GFRA1: variants seen among roughly 807,000 people sequenced by gnomAD.
GFRA1 encodes GDNF family receptor alpha-1.
In GFRA1, 16 loss-of-function variants were observed where a neutral mutation model predicts 51.6. The ratio of observed to expected loss-of-function variants is 0.31; its 90% confidence interval spans 0.21 to 0.47. The LOEUF (loss-of-function observed/expected upper bound fraction) is 0.47. Among genes scored for constraint, GFRA1 ranks in the 20% least tolerant of loss-of-function variants. The pLI, the probability that GFRA1 is intolerant of heterozygous loss-of-function variation, is 1.00. For missense variants in GFRA1, 530 were observed against 594.3 expected (o/e 0.89, Z 1.13); for synonymous variants, 270 against 241.3 (o/e 1.12, Z -1.10).
intron 5 of GFRA1, among the ~76,000 whole-genome samples, chr10:116,183,419 C>T (rs910959284): frequency 6.6e-6 from 1 of 152,190 alleles, no homozygotes; most frequent in African/African-American, 2.4e-5. Context: ...ATATCCATTC[C>T]ATGGGGAATC....
At chr10:116,192,141 G>C (rs1273651224) in intron 5 of GFRA1, among the ~76,000 whole-genome samples, 2 of 152,166 alleles carry the variant, frequency 1.3e-5, no homozygotes, top group Admixed American at 6.5e-5. Flanking sequence ...ATTTCTTAGT[G>C]GTTTGGGGCT....
chr10:116,272,327 C>G lies in GFRA1; in HGVS notation c.-246-52G>C, dbSNP rs1844023279. 1.9e-6 allele frequency: 1 copy of G among 522,476 alleles called. No homozygotes were observed. The highest frequency in any genetic ancestry group is 1.9e-5 in the African/African-American group (1 of 52,186). The allele number at this position is 522,476 out of a possible 1,614,324, so 32.4% of individuals were successfully genotyped here. A position where few individuals can be genotyped will look rare whatever the true frequency, so the allele number is the denominator to read the frequency against. Reference sequence around the variant, plus strand: ...GAGAGCGGAGAGCGCCGGAGACTCCCCCCACAGAACCCTCTCCCCTCCCCC... The same window carrying G: ...GAGAGCGGAGAGCGCCGGAGACTCCGCCCACAGAACCCTCTCCCCTCCCCC... On this transcript the variant is annotated intron_variant, in intron 1 of 10. Coordinates refer to ENST00000355422, the MANE Select transcript of GFRA1 (RefSeq NM_005264.8). The surrounding 1 kb of genome is among the most constrained non-coding windows in gnomAD (Gnocchi z 4.4).
At chr10:116,130,083 TAA>T (rs371902019) in intron 5 of GFRA1, among the ~76,000 whole-genome samples, 2 of 136,990 alleles carry the variant, frequency 1.5e-5, no homozygotes, top group Non-Finnish European at 1.6e-5. Flanking sequence ...GATCAATGAA[TAA>T]AAAAAAAAAG....
chr10:116,147,261 T>C (rs1387736718), intron 5 of GFRA1, among the ~76,000 whole-genome samples: 1 of 152,092 alleles, frequency 6.6e-6, no homozygotes, highest in Non-Finnish European at 1.5e-5. Flanking sequence ...GAACAGCTAA[T>C]GGGAGTTCTG....
intron 9 of GFRA1, among the ~76,000 whole-genome samples, chr10:116,066,588 A>C (rs1329794051): frequency 6.6e-6 from 1 of 152,190 alleles, no homozygotes; most frequent in Non-Finnish European, 1.5e-5. Flanking sequence ...TACAAAGGAA[A>C]ACAGAGCCCA....
At chr10:116,096,338 T>C (rs903560686) in intron 7 of GFRA1, among the ~76,000 whole-genome samples, 1 of 152,088 alleles carries the variant, frequency 6.6e-6, no homozygotes, top group Non-Finnish European at 1.5e-5. Context: ...TAACCAAACA[T>C]TTTTTCTCTC....
chr10:116,144,782 T>C (rs749593730), intron 5 of GFRA1, among the ~76,000 whole-genome samples: 5 of 152,086 alleles, frequency 3.3e-5, no homozygotes, highest in Non-Finnish European at 7.4e-5. Context: ...TTTGAGATAG[T>C]AAAGCAATTT....
chr10:116,129,087 T>C (rs1412522692), intron 5 of GFRA1, among the ~76,000 whole-genome samples: 1 of 152,192 alleles, frequency 6.6e-6, no homozygotes, highest in Admixed American at 6.5e-5. Context: ...GGGAAAAAAC[T>C]ATTAATTCAT....
intron 5 of GFRA1, among the ~76,000 whole-genome samples, chr10:116,181,687 G>T (rs1962239438): frequency 6.6e-6 from 1 of 152,016 alleles, no homozygotes. Context: ...ACCCAGGCTG[G>T]AGTACGGTGG....
intron 4 of GFRA1, among the ~76,000 whole-genome samples, chr10:116,234,422 G>T (rs75337239): frequency 0.088 from 13,405 of 152,118 alleles, 645 homozygotes; most frequent in Non-Finnish European, 0.11. Context: ...AGGTGTTTTT[G>T]AATCCATAGA....
chr10:116,125,923 C>T (rs1957853383), intron 5 of GFRA1, among the ~76,000 whole-genome samples: 1 of 152,208 alleles, frequency 6.6e-6, no homozygotes, highest in South Asian at 2.1e-4. Context: ...AAATTATATA[C>T]TTGTTCATGA....
intron 4 of GFRA1, among the ~76,000 whole-genome samples, chr10:116,218,215 G>A (rs780397552): frequency 2.0e-5 from 3 of 152,074 alleles, no homozygotes; most frequent in Non-Finnish European, 2.9e-5. Context: ...AACACTGCCC[G>A]TCTCCTCTGG....
chr10:116,072,443 G>C (rs1955442399), intron 9 of GFRA1, among the ~76,000 whole-genome samples: 1 of 152,110 alleles, frequency 6.6e-6, no homozygotes, highest in Non-Finnish European at 1.5e-5. Flanking sequence ...CCTGGTACTG[G>C]CTTGACTGAT....
At chr10:116,121,998 C>T (rs72834569) in intron 6 of GFRA1, among the ~76,000 whole-genome samples, 5,719 of 152,168 alleles carry the variant, frequency 0.038, 134 homozygotes, top group South Asian at 0.062. Context: ...ATATTTAGCA[C>T]CTCTGAGAGG....
At chr10:116,228,601 TCCC>T in intron 4 of GFRA1, among the ~76,000 whole-genome samples, 1 of 152,202 alleles carries the variant, frequency 6.6e-6, no homozygotes, top group Non-Finnish European at 1.5e-5. Flanking sequence ...TGGATAATCT[TCCC>T]CCAGAGAGTT....
rs1347577531 is a variant in GFRA1 at position 116,063,665 on chromosome 10, GGA to G, written c.*731_*732del. ...CTCACTCAGGTAAGGCTTAGGATTAGGAGAGTGTCGTTCAGGGATTGAGGTAT... is the reference window on the plus strand; with the variant it reads ...CTCACTCAGGTAAGGCTTAGGATTAGGAGTGTCGTTCAGGGATTGAGGTAT... On this transcript the variant is annotated 3_prime_UTR_variant, in exon 11 of 11. Transcript: ENST00000355422. 1 of 152,204 alleles carries G rather than the reference GGA, an allele frequency of 6.6e-6. No individual in the cohort carries two copies. The allele number at this position is 152,204 out of a possible 1,614,324, so 9.4% of individuals were successfully genotyped here.
At chr10:116,085,362 G>A (rs980357024) in intron 9 of GFRA1, among the ~76,000 whole-genome samples, 7 of 152,140 alleles carry the variant, frequency 4.6e-5, no homozygotes, top group Non-Finnish European at 8.8e-5. Flanking sequence ...TTACAAGAGG[G>A]CGCTTCTCAA....
intron 5 of GFRA1, among the ~76,000 whole-genome samples, chr10:116,207,700 G>C (rs1376094480): frequency 6.6e-6 from 1 of 152,076 alleles, no homozygotes; most frequent in Non-Finnish European, 1.5e-5. Context: ...AAAATCTGAA[G>C]ACACATATAG....
intron 5 of GFRA1, among the ~76,000 whole-genome samples, chr10:116,154,248 C>T (rs1383568021): frequency 2.6e-5 from 4 of 152,180 alleles, no homozygotes; most frequent in African/African-American, 9.6e-5. Context: ...TGTGTCTATA[C>T]GTTCACCAAA....
Sources: allele counts gnomAD v4.1 joint callset (sites outside exome capture counted in the v4.1 genomes callset), GRCh38; gene constraint gnomAD v4.1.1; non-coding constraint Gnocchi (gnomAD v3.1); transcripts MANE v1.5; gene names NCBI Gene and HGNC (gene_info 2026-07-23, HGNC 2026-07-21).